BRINP3: variants seen among roughly 807,000 people sequenced by gnomAD.
BRINP3 encodes the protein BMP/retinoic acid-inducible neural-specific protein 3.
In BRINP3, 19 loss-of-function variants were observed where a neutral mutation model predicts 71.0. That is an observed-to-expected ratio of 0.27 (90% CI 0.19 to 0.39). BRINP3 has a LOEUF of 0.39. BRINP3 is among the 10% of genes least tolerant of loss of function. The pLI is 1.00. For missense variants in BRINP3, 959 were observed against 940.8 expected (o/e 1.02, Z -0.25); for synonymous variants, 380 against 337.7 (o/e 1.13, Z -1.37).
chr1:190,452,491 A>G (rs1322309290), intron 2 of BRINP3, among the ~76,000 whole-genome samples: 1 of 152,322 alleles, frequency 6.6e-6, no homozygotes, highest in East Asian at 1.9e-4. Flanking sequence ...CAAACCTCAG[A>G]GCACTTTTGT....
At chr1:190,370,415 C>G (rs1361665594) in intron 2 of BRINP3, among the ~76,000 whole-genome samples, 2 of 152,018 alleles carry the variant, frequency 1.3e-5, no homozygotes, top group Non-Finnish European at 2.9e-5. Context: ...AAAACTGTGT[C>G]CTGGAGATGA....
chr1:190,435,857 A>G (rs1674422706), intron 2 of BRINP3, among the ~76,000 whole-genome samples: 1 of 152,028 alleles, frequency 6.6e-6, no homozygotes, highest in Admixed American at 6.6e-5. Flanking sequence ...ATCTAAGCAC[A>G]TCTACCCTGG....
intron 2 of BRINP3, among the ~76,000 whole-genome samples, chr1:190,316,378 A>G (rs1467612769): frequency 1.3e-5 from 2 of 152,118 alleles, no homozygotes; most frequent in African/African-American, 4.8e-5. Flanking sequence ...CAGAGTCAGA[A>G]TTGAGCCAAA....
chr1:190,462,960 A>G (rs1012472236), intron 1 of BRINP3, among the ~76,000 whole-genome samples: 5 of 148,882 alleles, frequency 3.4e-5, no homozygotes, highest in Non-Finnish European at 7.5e-5. Context: ...ATAGTTTAAT[A>G]TTTTGAATTA....
intron 2 of BRINP3, among the ~76,000 whole-genome samples, chr1:190,439,973 C>T (rs907717189): frequency 1.3e-5 from 2 of 151,770 alleles, no homozygotes; most frequent in African/African-American, 2.4e-5. Flanking sequence ...TGAATAACCA[C>T]TTTAATATAA....
chr1:190,323,911 A>G (rs1265897372), intron 2 of BRINP3, among the ~76,000 whole-genome samples: 2 of 152,038 alleles, frequency 1.3e-5, no homozygotes, highest in Admixed American at 6.6e-5. Flanking sequence ...CTCTAAAACT[A>G]AATAAATTGT....
intron 2 of BRINP3, among the ~76,000 whole-genome samples, chr1:190,376,774 T>A (rs1670211940): frequency 6.6e-6 from 1 of 152,066 alleles, no homozygotes; most frequent in Admixed American, 6.6e-5. Context: ...GTTCTGCCGA[T>A]GTTAATTGAT....
At chr1:190,247,544 C>A (rs1298017782) in intron 4 of BRINP3, among the ~76,000 whole-genome samples, 3 of 151,812 alleles carry the variant, frequency 2.0e-5, no homozygotes, top group Admixed American at 6.6e-5. Flanking sequence ...CATATTCACC[C>A]TATAGTGCTG....
chr1:190,241,667 T>C (rs1659112329), intron 4 of BRINP3, among the ~76,000 whole-genome samples: 1 of 152,056 alleles, frequency 6.6e-6, no homozygotes, highest in East Asian at 1.9e-4. Flanking sequence ...AATTTATTAA[T>C]GCTTTGAAAT....
rs371079832 is a variant in BRINP3 at position 190,139,141 on chromosome 1, G to A, written c.1184+21527C>T. ...ATAGATGGGTCACTGTCAGAAGACCGCATCATAGAAAAAAAAAAAATGATC... is the reference window on the plus strand; with the variant it reads ...ATAGATGGGTCACTGTCAGAAGACCACATCATAGAAAAAAAAAAAATGATC... On this transcript the variant is annotated intron_variant, in intron 7 of 7. Coordinates refer to ENST00000367462, the MANE Select transcript of BRINP3 (RefSeq NM_199051.3). Among the ~76,000 whole-genome samples, 321 of 150,742 alleles carry A rather than the reference G, an allele frequency of 2.1e-3. 1 individual carries two copies. The highest frequency in any genetic ancestry group is 7.4e-3 in the African/African-American group (302 of 40,816).
At chr1:190,324,075 C>G (rs1411542049) in intron 2 of BRINP3, among the ~76,000 whole-genome samples, 1 of 151,692 alleles carries the variant, frequency 6.6e-6, no homozygotes, top group Admixed American at 6.6e-5. Flanking sequence ...TTTCAGATTG[C>G]AAAAAGTAGG....
At chr1:190,258,729 A>G (rs1301874164) in intron 4 of BRINP3, among the ~76,000 whole-genome samples, 1 of 152,190 alleles carries the variant, frequency 6.6e-6, no homozygotes, top group Non-Finnish European at 1.5e-5. Context: ...GATGACCTTG[A>G]TTTCTTTTAT....
At chr1:190,103,525 C>T (rs1208916322) in intron 7 of BRINP3, among the ~76,000 whole-genome samples, 1 of 152,022 alleles carries the variant, frequency 6.6e-6, no homozygotes, top group South Asian at 2.1e-4. Flanking sequence ...TCAGGAATCT[C>T]ATGTTAAAAT....
intron 2 of BRINP3, among the ~76,000 whole-genome samples, chr1:190,295,759 C>T (rs1295620041): frequency 6.6e-6 from 1 of 151,676 alleles, no homozygotes; most frequent in Non-Finnish European, 1.5e-5. Context: ...AATTCCCACA[C>T]TCACTTCCCT....
At chr1:190,305,002 A>T (rs1664995498) in intron 2 of BRINP3, among the ~76,000 whole-genome samples, 1 of 152,000 alleles carries the variant, frequency 6.6e-6, no homozygotes, top group Admixed American at 6.6e-5. Context: ...GCCAATAGGC[A>T]TCTGGAAAAA....
intron 1 of BRINP3, among the ~76,000 whole-genome samples, chr1:190,472,867 A>C (rs1353060362): frequency 6.6e-6 from 1 of 151,358 alleles, no homozygotes; most frequent in African/African-American, 2.4e-5. Context: ...CTTCCTACTT[A>C]GGTTTTATTT....
At chr1:190,138,645 G>A (rs1334297953) in intron 7 of BRINP3, among the ~76,000 whole-genome samples, 2 of 152,096 alleles carry the variant, frequency 1.3e-5, no homozygotes, top group African/African-American at 2.4e-5. Context: ...TGAAACTTGG[G>A]GATCAGGGCA....
intron 2 of BRINP3, among the ~76,000 whole-genome samples, chr1:190,415,481 TA>T (rs1461533643): frequency 2.0e-5 from 3 of 152,080 alleles, no homozygotes; most frequent in Non-Finnish European, 4.4e-5. Context: ...AAAGCCCAAA[TA>T]AATATTAAAC....
intron 2 of BRINP3, among the ~76,000 whole-genome samples, chr1:190,432,405 G>A (rs917743147): frequency 6.6e-5 from 10 of 152,056 alleles, no homozygotes; most frequent in Admixed American, 2.0e-4. Flanking sequence ...ACTCACCCTT[G>A]AGCCATTAAA....
Sources: allele counts gnomAD v4.1 joint callset (sites outside exome capture counted in the v4.1 genomes callset), GRCh38; gene constraint gnomAD v4.1.1; transcripts MANE v1.5; gene names NCBI Gene and HGNC (gene_info 2026-07-23, HGNC 2026-07-21).